Variants in TICRR observed in about 807,000 individuals in gnomAD.
TICRR encodes treslin.
Under a neutral mutation model 178.1 loss-of-function variants are expected in TICRR, and 132 were observed. The observed-to-expected ratio is 0.74, with a 90% CI of 0.64 to 0.86. TICRR has a LOEUF of 0.86. Ranked by LOEUF, TICRR falls within the 40% of genes least tolerant of loss-of-function variation. TICRR has a pLI of 0.00. For synonymous variants in TICRR, 991 were observed against 900.7 expected (o/e 1.10, Z -1.79); for missense variants, 2,587 against 2,334.3 (o/e 1.11, Z -2.23).
chr15:89,624,418 T>A lies in TICRR; in HGVS notation c.4108T>A (p.Leu1370Met). 1 of 1,614,202 alleles carries A rather than the reference T, an allele frequency of 6.2e-7. No individual in the cohort carries two copies. Among genetic ancestry groups the A allele is most frequent in the Non-Finnish European group, 8.5e-7 (1 of 1,180,034 alleles). Residue 1370 changes from leucine (L) to methionine (M), a missense_variant, in exon 20 of 22, where the codon TTG becomes ATG. Transcript: ENST00000268138. ...CCCTGAACTCTCACAGAGAGCTACATTGGACACCGTCCCTCCTCCACCCCC... is the reference window on the plus strand; with the variant it reads ...CCCTGAACTCTCACAGAGAGCTACAATGGACACCGTCCCTCCTCCACCCCC... ...TPPELSQRAT[L>M]DTVPPPPPSK... is the part of the protein sequence containing the mutation.
chr15:89,608,281 A>C, intron 14 of TICRR, among the ~76,000 whole-genome samples: 1 of 152,222 alleles, frequency 6.6e-6, no homozygotes, highest in East Asian at 1.9e-4. Flanking sequence ...ACTCCTAGAA[A>C]GATACAAACT....
intron 4 of TICRR, among the ~76,000 whole-genome samples, chr15:89,588,945 G>T (rs1235327715): frequency 6.6e-6 from 1 of 152,138 alleles, no homozygotes; most frequent in Non-Finnish European, 1.5e-5. Context: ...AAGAGGCAAG[G>T]AGGATACCAG....
At chr15:89,601,265 A>T (rs1963090147) in intron 9 of TICRR, 33 bp from the exon 10 acceptor site, 1 of 1,596,994 alleles carries the variant, frequency 6.3e-7, no homozygotes, top group Non-Finnish European at 8.6e-7. Context: ...TGACATCCAA[A>T]GTAGATATGA....
At chr15:89,587,832 A>G (rs182566045) in intron 4 of TICRR, among the ~76,000 whole-genome samples, 2 of 152,340 alleles carry the variant, frequency 1.3e-5, no homozygotes, top group Admixed American at 1.3e-4. Flanking sequence ...GTTTTGATCT[A>G]AAAGATATTA....
chr15:89,617,306 G>T (rs1163931956), intron 16 of TICRR, among the ~76,000 whole-genome samples: 1 of 152,118 alleles, frequency 6.6e-6, no homozygotes, highest in Non-Finnish European at 1.5e-5. Context: ...TGAAATTGGT[G>T]GGTCAGAGGC....
At position 89,582,689 on chromosome 15, in the gene TICRR, T is replaced by C; in HGVS notation, c.658T>C (p.Trp220Arg). ...WVDTTEWSKL[W>R]ESPDHLGYWT... ...GTTGTTTGTCGTTTTATTTTAGTTG[T>C]GGGAATCCCCAGACCACCTTGGATA... Residue 220 changes from tryptophan (W) to arginine (R), a missense_variant, in exon 2 of 22, where the codon TGG becomes CGG. Physicochemically the swap from Trp to Arg is moderately radical, Grantham distance 101 (BLOSUM62 -3). Transcript: ENST00000268138. 1 of 1,611,458 alleles carries C rather than the reference T, an allele frequency of 6.2e-7. No homozygotes were observed. The highest frequency in any genetic ancestry group is 8.5e-7 in the Non-Finnish European group (1 of 1,177,968).
intron 13 of TICRR, 72 bp from the exon 14 acceptor site, chr15:89,606,696 T>G: frequency 8.4e-7 from 1 of 1,194,064 alleles, no homozygotes; most frequent in Non-Finnish European, 1.2e-6. Flanking sequence ...AAAGAGTTCA[T>G]GTGAAATCTT....
intron 14 of TICRR, among the ~76,000 whole-genome samples, chr15:89,607,353 AGTT>A (rs1441595506): frequency 5.3e-5 from 8 of 152,184 alleles, no homozygotes; most frequent in Admixed American, 2.0e-4. Context: ...GGAAGTGAAC[AGTT>A]GTTTGCAATT....
In TICRR at chr15:89,601,786, G is replaced by C; in HGVS notation, c.2377G>C (p.Gly793Arg). 6.2e-7 allele frequency: 1 copy of C among 1,614,154 alleles called. No homozygotes were observed. The highest frequency in any genetic ancestry group is 8.5e-7 in the Non-Finnish European group (1 of 1,180,008). ...ACTTGGAAATCTTTACAACAGCCTA[G>C]GGTTTGTGATTCCTCAGAAGCTGGC... ...KTLGNLYNSL[G>R]FVIPQKLAGV... Residue 793 changes from glycine (G) to arginine (R), a missense_variant, in exon 12 of 22, where the codon GGG becomes CGG. Transcript: ENST00000268138.
At chr15:89,601,220 T>C in intron 9 of TICRR, 78 bp from the exon 10 acceptor site, 1 of 1,267,472 alleles carries the variant, frequency 7.9e-7, no homozygotes, top group Non-Finnish European at 1.1e-6. Context: ...CTTATATAAA[T>C]AGATCTATGC....
intron 1 of TICRR, among the ~76,000 whole-genome samples, chr15:89,579,520 A>G (rs1255348313): frequency 2.6e-5 from 4 of 151,742 alleles, no homozygotes. Flanking sequence ...TAATTTTTGT[A>G]TTTTTAGTAG....
rs532159490 is a variant in TICRR at position 89,619,765 on chromosome 15, C to G, written c.3077C>G (p.Ser1026Cys). The G allele has an allele frequency of 6.2e-7, 1 of 1,614,004 alleles. No homozygotes were observed. The highest frequency in any genetic ancestry group is 1.3e-5 in the African/African-American group (1 of 75,070). The part of the protein sequence containing the change: ...IKQLSFSRTH[S>C]ASFYSVSQPK... ...CAGTTGTCATTTAGCAGGACACATT[C>G]TGCCTCCTTCTATTCTGTGTCTCAG... The change falls in exon 18 of 22, where the codon TCT (serine) becomes TGT (cysteine). Residue 1026 changes from serine (S) to cysteine (C), a missense_variant. Ser to Cys is a moderately radical substitution (Grantham distance 112). Transcript: ENST00000268138.
At chr15:89,623,024 T>C (rs1963451972) in intron 19 of TICRR, among the ~76,000 whole-genome samples, 1 of 152,264 alleles carries the variant, frequency 6.6e-6, no homozygotes, top group Non-Finnish European at 1.5e-5. Context: ...GAAGGAAGGC[T>C]GTAGGAAAGA....
chr15:89,591,385 A>G (rs1596043202), intron 4 of TICRR: 1 of 152,048 alleles, frequency 6.6e-6, no homozygotes, highest in Non-Finnish European at 1.5e-5. Flanking sequence ...CGGCCTCCCA[A>G]AATGCTGGGA....
chr15:89,591,375 C>T (rs1309899363), intron 4 of TICRR: 1 of 152,238 alleles, frequency 6.6e-6, no homozygotes, highest in Non-Finnish European at 1.5e-5. Context: ...CCACCCACCT[C>T]GGCCTCCCAA....
At chr15:89,605,973 T>G (rs935312482) in intron 13 of TICRR, among the ~76,000 whole-genome samples, 1 of 152,210 alleles carries the variant, frequency 6.6e-6, no homozygotes, top group Non-Finnish European at 1.5e-5. Flanking sequence ...TCCCTCTAAT[T>G]AATGTATATG....
At chr15:89,577,016 C>T (rs1962634827) in intron 1 of TICRR, among the ~76,000 whole-genome samples, 1 of 151,888 alleles carries the variant, frequency 6.6e-6, no homozygotes, top group Admixed American at 6.6e-5. Context: ...GCCTCAGCCT[C>T]CCAAGTAGCT....
chr15:89,619,221 C>CTTTTTTTTTT (rs386383750), intron 17 of TICRR, among the ~76,000 whole-genome samples: 46 of 111,970 alleles, frequency 4.1e-4, no homozygotes, highest in African/African-American at 5.6e-4. Flanking sequence ...CACCATTCTT[C>CTTTTTTTTTT]TTTTTTTTTT....
In TICRR at chr15:89,592,035, T is replaced by G; in HGVS notation, c.1412-12T>G. 6.3e-7 allele frequency: 1 copy of G among 1,599,730 alleles called. No individual in the cohort carries two copies. The highest frequency in any genetic ancestry group is 1.1e-5 in the South Asian group (1 of 90,178). ...TGTTTCCTCTCCTGCCGCTGCTCCT[T>G]TGCTCCAATAGCTTCTCCTGTTCCA... On this transcript the variant is annotated splice_polypyrimidine_tract_variant and intron_variant, in intron 4 of 21. Coordinates refer to ENST00000268138, the MANE Select transcript of TICRR (RefSeq NM_152259.4).
Sources: allele counts gnomAD v4.1 joint callset (sites outside exome capture counted in the v4.1 genomes callset), GRCh38; gene constraint gnomAD v4.1.1; transcripts MANE v1.5; gene names NCBI Gene and HGNC (gene_info 2026-07-23, HGNC 2026-07-21).